The following LARP1B variants were observed in gnomAD, a reference collection of about 807,000 sequenced individuals.
LARP1B encodes La ribonucleoprotein 1B.
LARP1B carries 76 observed loss-of-function variants against 114.2 expected under a neutral mutation model. The observed-to-expected ratio is 0.67, with a 90% CI of 0.55 to 0.81. The LOEUF (loss-of-function observed/expected upper bound fraction) is 0.81, where lower values mean the gene tolerates loss of function less well. LARP1B is among the 30% of genes least tolerant of loss of function. The probability of loss-of-function intolerance (pLI) is 0.00; values close to 1 mark genes in which losing one functional copy is unlikely to be tolerated. For missense variants in LARP1B, 1,014 were observed against 1,075.8 expected (o/e 0.94, Z 0.80); for synonymous variants, 345 against 348.0 (o/e 0.99, Z 0.10).
chr4:128,206,548 C>T lies in LARP1B; in HGVS notation c.2419+11C>T. On this transcript the variant is annotated intron_variant, in intron 18 of 19. Transcript: ENST00000326639. ...AAGACTACGAATCTGGTAACAATAACATCAGAAAACTTGTACTCTAATTGG... is the reference window on the plus strand; with the variant it reads ...AAGACTACGAATCTGGTAACAATAATATCAGAAAACTTGTACTCTAATTGG... The T allele has an allele frequency of 6.3e-7, 1 of 1,593,832 alleles. No homozygotes were observed. The highest frequency in any genetic ancestry group is 8.6e-7 in the Non-Finnish European group (1 of 1,169,160).
chr4:128,210,453 G>T lies in LARP1B; in HGVS notation c.*400G>T, dbSNP rs1334535642. The T allele has an allele frequency of 1.7e-5, 17 of 1,003,640 alleles. No homozygotes were observed. Among genetic ancestry groups the T allele is most frequent in the Non-Finnish European group, 2.0e-5 (17 of 838,998 alleles). 62.2% of individuals were successfully genotyped at this position (1,003,640 alleles called of 1,614,324 possible). A position where few individuals can be genotyped will look rare whatever the true frequency, so the allele number is the denominator to read the frequency against. Reference sequence around the variant, plus strand: ...CTTCTTAAAGAAGATATAGTATGTTGTATTCTCTTCTTAGAGCTTTCTTAA... The same window carrying T: ...CTTCTTAAAGAAGATATAGTATGTTTTATTCTCTTCTTAGAGCTTTCTTAA... On this transcript the variant is annotated 3_prime_UTR_variant, in exon 20 of 20. Transcript: ENST00000326639.
intron 9 of LARP1B, chr4:128,108,440 A>G (rs1350550912): frequency 3.0e-6 from 3 of 985,724 alleles, no homozygotes; most frequent in Non-Finnish European, 3.6e-6. Context: ...TAAGGAATTT[A>G]AGAACTGGAT....
At chr4:128,101,480 A>C (rs905560292) in intron 8 of LARP1B, among the ~76,000 whole-genome samples, 25 of 151,904 alleles carry the variant, frequency 1.6e-4, no homozygotes, top group Admixed American at 8.5e-4. Context: ...GAAAATAATT[A>C]CTGTAAGCAA....
intron 11 of LARP1B, among the ~76,000 whole-genome samples, chr4:128,129,207 C>T (rs558007767): frequency 0.036 from 4,049 of 111,610 alleles, 100 homozygotes; most frequent in Non-Finnish European, 0.051. Context: ...AAAAAAAATT[C>T]AGCCGTGCGT....
chr4:128,124,265 C>T (rs1788896298), intron 11 of LARP1B, among the ~76,000 whole-genome samples: 1 of 152,008 alleles, frequency 6.6e-6, no homozygotes, highest in Non-Finnish European at 1.5e-5. Flanking sequence ...ACAATAAATA[C>T]TCTAAAAGAA....
intron 15 of LARP1B, among the ~76,000 whole-genome samples, chr4:128,179,719 A>G (rs890127326): frequency 6.6e-6 from 1 of 152,020 alleles, no homozygotes; most frequent in Non-Finnish European, 1.5e-5. Context: ...TTTCCCATTT[A>G]AATTATTTTT....
Position 128,206,425 on chromosome 4 carries a change from T to C in LARP1B, c.2310-3T>C. 2 of 1,544,660 alleles carry C rather than the reference T, an allele frequency of 1.3e-6. No homozygotes were observed. The highest frequency in any genetic ancestry group is 1.8e-6 in the Non-Finnish European group (2 of 1,136,910). On this transcript the variant is annotated splice_polypyrimidine_tract_variant and splice_region_variant and intron_variant, in intron 17 of 19. Coordinates refer to ENST00000326639, the MANE Select transcript of LARP1B (RefSeq NM_018078.4). ...TTATAAACCTTTTATTTTCTCTTTA[T>C]AGGTATGGGTTAGAATGTCTGTTCA...
intron 11 of LARP1B, among the ~76,000 whole-genome samples, chr4:128,130,047 A>G (rs1791068354): frequency 6.6e-6 from 1 of 152,186 alleles, no homozygotes; most frequent in Non-Finnish European, 1.5e-5. Flanking sequence ...AGTGAAAGAT[A>G]CTGTCAAGAG....
chr4:128,075,800 G>C (rs1166187373), intron 3 of LARP1B, among the ~76,000 whole-genome samples: 1 of 152,050 alleles, frequency 6.6e-6, no homozygotes, highest in Non-Finnish European at 1.5e-5. Context: ...GCTCGCCTCA[G>C]CCTCCCAAAG....
intron 9 of LARP1B, among the ~76,000 whole-genome samples, chr4:128,110,265 G>A (rs1281739643): frequency 6.6e-6 from 1 of 152,000 alleles, no homozygotes; most frequent in Non-Finnish European, 1.5e-5. Flanking sequence ...ATTAAAACAA[G>A]TATTAAATAT....
intron 6 of LARP1B, among the ~76,000 whole-genome samples, chr4:128,217,259 T>C (rs1759584697): frequency 1.3e-5 from 1 of 77,084 alleles, no homozygotes; most frequent in African/African-American, 4.8e-5. Context: ...TTCCAATCAA[T>C]AGAAAAAGAG....
intron 16 of LARP1B, among the ~76,000 whole-genome samples, 161 bp from the exon 17 acceptor site, chr4:128,200,360 C>A (rs1035047259): frequency 2.6e-5 from 4 of 152,082 alleles, no homozygotes; most frequent in Non-Finnish European, 1.5e-5. Flanking sequence ...GGGTACCAGT[C>A]TGTGGCCTGG....
At chr4:128,149,703 C>T (rs1441727439) in intron 11 of LARP1B, among the ~76,000 whole-genome samples, 2 of 152,046 alleles carry the variant, frequency 1.3e-5, no homozygotes, top group Non-Finnish European at 2.9e-5. Flanking sequence ...TCTCTAAATC[C>T]TAGAGATGAT....
rs550145428 is a variant in LARP1B at position 128,118,527 on chromosome 4, C to T, written c.1162-3299C>T. Among the ~76,000 whole-genome samples the T allele has an allele frequency of 2.4e-4, 37 of 151,860 alleles. No individual in the cohort carries two copies. In the South Asian group the frequency reaches 5.2e-3, roughly 21 times the overall value. On this transcript the variant is annotated intron_variant, in intron 10 of 19. Transcript: ENST00000326639. ...CTGGGATTACAGGCGTGAGTCACCG[C>T]GCCCTGCTCTGTCTGGTCTATTTTT... is the stretch of plus-strand genomic sequence containing the variant.
chr4:128,154,225 A>G (rs1474012072), intron 11 of LARP1B, among the ~76,000 whole-genome samples: 2 of 152,184 alleles, frequency 1.3e-5, no homozygotes, highest in African/African-American at 2.4e-5. Context: ...TCTTTGGTGT[A>G]CTTTGCTCTG....
At chr4:128,065,421 G>C (rs894725580) in intron 1 of LARP1B, among the ~76,000 whole-genome samples, 3 of 144,556 alleles carry the variant, frequency 2.1e-5, no homozygotes, top group African/African-American at 7.7e-5. Context: ...TGTTTCCCAG[G>C]CTGGTCTTGA....
chr4:128,213,895 G>A (rs1272137214), downstream of LARP1B, among the ~76,000 whole-genome samples: 2 of 151,876 alleles, frequency 1.3e-5, no homozygotes, highest in African/African-American at 2.4e-5. Context: ...GAGGTACCGG[G>A]TTCATCTCAC....
intron 8 of LARP1B, among the ~76,000 whole-genome samples, chr4:128,100,993 T>G (rs1780132087): frequency 6.7e-6 from 1 of 150,164 alleles, no homozygotes; most frequent in African/African-American, 2.4e-5. Context: ...AATTTTTGTA[T>G]TTTTTAGTAG....
At chr4:128,170,267 T>C (rs1379628057) in intron 12 of LARP1B, among the ~76,000 whole-genome samples, 1 of 152,238 alleles carries the variant, frequency 6.6e-6, no homozygotes, top group Non-Finnish European at 1.5e-5. Flanking sequence ...ATATAGTCTG[T>C]CTTGGTGAAT....
Sources: allele counts gnomAD v4.1 joint callset (sites outside exome capture counted in the v4.1 genomes callset), GRCh38; gene constraint gnomAD v4.1.1; transcripts MANE v1.5; gene names NCBI Gene and HGNC (gene_info 2026-07-23, HGNC 2026-07-21).